The following CTNNA3 variants were observed in gnomAD, a reference collection of about 807,000 sequenced individuals.
CTNNA3 encodes the protein catenin alpha 3.
Under a neutral mutation model 95.7 loss-of-function variants are expected in CTNNA3, and 76 were observed. That is an observed-to-expected ratio of 0.79 (90% CI 0.66 to 0.96). The LOEUF (loss-of-function observed/expected upper bound fraction) is 0.96, where lower values mean the gene tolerates loss of function less well. Ranked by LOEUF, CTNNA3 falls within the 40% of genes least tolerant of loss-of-function variation. The pLI, the probability that CTNNA3 is intolerant of heterozygous loss-of-function variation, is 0.00. For synonymous variants in CTNNA3, 431 were observed against 374.4 expected (o/e 1.15, Z -1.74); for missense variants, 1,191 against 1,089.8 (o/e 1.09, Z -1.31).
intron 7 of CTNNA3, among the ~76,000 whole-genome samples, chr10:66,793,815 T>C (rs138241189): frequency 9.4e-4 from 143 of 152,296 alleles, no homozygotes; most frequent in Admixed American, 3.3e-3. Context: ...GTTGTGTCAG[T>C]ACAGTCATAA....
chr10:66,424,575 G>C (rs1213571731), intron 11 of CTNNA3, among the ~76,000 whole-genome samples: 1 of 151,606 alleles, frequency 6.6e-6, no homozygotes, highest in Non-Finnish European at 1.5e-5. Context: ...AAATAAATTT[G>C]TTTTCACACA....
At chr10:66,059,218 G>A (rs1306638728) in intron 15 of CTNNA3, among the ~76,000 whole-genome samples, 1 of 152,076 alleles carries the variant, frequency 6.6e-6, no homozygotes, top group Non-Finnish European at 1.5e-5. Flanking sequence ...TCATTTGGCT[G>A]ACAAATAACC....
In CTNNA3 at chr10:67,409,603, G is replaced by C. The variant is rs144798896; in HGVS notation, c.579+112239C>G. ...GCTGTTAGGGGTGGAGGTGGGGTAG[G>C]GGGAGGGAAAGCATCAGGAAGAATA... is the stretch of plus-strand genomic sequence containing the variant. On this transcript the variant is annotated intron_variant, in intron 5 of 17. Coordinates refer to ENST00000433211, the MANE Select transcript of CTNNA3 (RefSeq NM_013266.4). 5.0e-3 allele frequency among the ~76,000 whole-genome samples: 756 copies of C among 152,182 alleles called. 10 individuals are homozygous for C. The highest frequency in any genetic ancestry group is 0.017 in the African/African-American group (716 of 41,516).
At chr10:66,307,741 A>G (rs1435015794) in intron 12 of CTNNA3, among the ~76,000 whole-genome samples, 1 of 152,214 alleles carries the variant, frequency 6.6e-6, no homozygotes, top group Non-Finnish European at 1.5e-5. Flanking sequence ...CTTAAGTTTC[A>G]TTTTTAGTTT....
At position 66,942,903 on chromosome 10, in the gene CTNNA3, T is replaced by G. The variant is rs150947722; in HGVS notation, c.1048-167379A>C. On this transcript the variant is annotated intron_variant, in intron 7 of 17. Coordinates refer to ENST00000433211, the MANE Select transcript of CTNNA3 (RefSeq NM_013266.4). ...ATGGCTAAATTAAGCAAAAGCAAAT[T>G]AATCAAAGAGTTACAAAGGAAGAAT... Among the ~76,000 whole-genome samples, 843 of 152,282 alleles carry G rather than the reference T, an allele frequency of 5.5e-3. 8 individuals are homozygous for G. The highest frequency in any genetic ancestry group is 0.019 in the African/African-American group (798 of 41,560).
At chr10:66,243,310 T>A (rs2090178923) in intron 13 of CTNNA3, among the ~76,000 whole-genome samples, 1 of 152,214 alleles carries the variant, frequency 6.6e-6, no homozygotes, top group Non-Finnish European at 1.5e-5. Flanking sequence ...AGAATTCTCT[T>A]CCCTTTCCAG....
Position 67,544,649 on chromosome 10 carries a change from G to T in CTNNA3, c.293-4980C>A, listed in dbSNP as rs541346583. On this transcript the variant is annotated intron_variant, in intron 3 of 17. Coordinates refer to ENST00000433211, the MANE Select transcript of CTNNA3 (RefSeq NM_013266.4). Reference sequence around the variant, plus strand: ...AGGAAACCACCCAAGGCTAGGGAAAGAACCACCCAAAAGGATTTGAGGTAA... The same window carrying T: ...AGGAAACCACCCAAGGCTAGGGAAATAACCACCCAAAAGGATTTGAGGTAA... Among the ~76,000 whole-genome samples, 5 of 152,298 alleles carry T rather than the reference G, an allele frequency of 3.3e-5. No individual in the cohort carries two copies. In the South Asian group the frequency reaches 1.0e-3, roughly 32 times the overall value.
At chr10:66,714,535 G>A (rs959829142) in intron 9 of CTNNA3, among the ~76,000 whole-genome samples, 3 of 152,102 alleles carry the variant, frequency 2.0e-5, no homozygotes, top group Non-Finnish European at 4.4e-5. Context: ...CTTTGTTGCA[G>A]TAATCCCCTA....
At chr10:66,699,384 C>G (rs1589141400) in intron 9 of CTNNA3, among the ~76,000 whole-genome samples, 1 of 152,076 alleles carries the variant, frequency 6.6e-6, no homozygotes, top group Non-Finnish European at 1.5e-5. Context: ...CTTGTTATCT[C>G]TTGGTGTTTT....
chr10:65,995,893 T>A (rs1169616865), intron 15 of CTNNA3, among the ~76,000 whole-genome samples: 1 of 152,108 alleles, frequency 6.6e-6, no homozygotes, highest in Non-Finnish European at 1.5e-5. Flanking sequence ...GCATGGGTGA[T>A]GTTGCCAGGC....
chr10:66,860,725 A>G (rs1164296144), intron 7 of CTNNA3, among the ~76,000 whole-genome samples: 1 of 152,214 alleles, frequency 6.6e-6, no homozygotes, highest in Non-Finnish European at 1.5e-5. Context: ...GTGGTTATAT[A>G]AATTATTTGT....
chr10:66,891,331 A>T (rs773741508), intron 7 of CTNNA3, among the ~76,000 whole-genome samples: 5 of 152,210 alleles, frequency 3.3e-5, no homozygotes, highest in Non-Finnish European at 5.9e-5. Context: ...AAATCAGTCT[A>T]AGTCAATTTA....
intron 17 of CTNNA3, among the ~76,000 whole-genome samples, chr10:65,957,126 C>A (rs1333751662): frequency 6.6e-6 from 1 of 152,010 alleles, no homozygotes; most frequent in African/African-American, 2.4e-5. Context: ...TGAATTGATC[C>A]CTTTACCATT....
chr10:66,744,954 C>G (rs1216162981), intron 9 of CTNNA3, among the ~76,000 whole-genome samples: 1 of 152,108 alleles, frequency 6.6e-6, no homozygotes, highest in Non-Finnish European at 1.5e-5. Flanking sequence ...TACTTGATTT[C>G]AAGGTGCTAA....
At chr10:67,286,616 G>C (rs1448887006) in intron 5 of CTNNA3, among the ~76,000 whole-genome samples, 1 of 152,076 alleles carries the variant, frequency 6.6e-6, no homozygotes, top group Admixed American at 6.6e-5. Flanking sequence ...TATTATTTAA[G>C]CATCTTTCCA....
At chr10:67,705,419 A>T (rs1186359411) in intron 1 of CTNNA3, among the ~76,000 whole-genome samples, 5 of 149,714 alleles carry the variant, frequency 3.3e-5, no homozygotes, top group Non-Finnish European at 7.5e-5. Context: ...AAAATGTGGC[A>T]CATATACACC....
chr10:66,709,741 C>A (rs1264125709), intron 9 of CTNNA3, among the ~76,000 whole-genome samples: 1 of 152,014 alleles, frequency 6.6e-6, no homozygotes, highest in Non-Finnish European at 1.5e-5. Context: ...ACGGTCATTT[C>A]AATGCCCACT....
intron 3 of CTNNA3, among the ~76,000 whole-genome samples, chr10:67,564,297 G>A (rs1219997622): frequency 3.3e-5 from 5 of 149,862 alleles, no homozygotes; most frequent in Non-Finnish European, 7.4e-5. Flanking sequence ...TATAATCCAT[G>A]GAATACTATG....
At chr10:66,338,614 A>G (rs115053550) in intron 12 of CTNNA3, among the ~76,000 whole-genome samples, 1 of 152,076 alleles carries the variant, frequency 6.6e-6, no homozygotes, top group African/African-American at 2.4e-5. Flanking sequence ...CAGTGCAAGA[A>G]TAAGATCAAC....
Sources: allele counts gnomAD v4.1 joint callset (sites outside exome capture counted in the v4.1 genomes callset), GRCh38; gene constraint gnomAD v4.1.1; transcripts MANE v1.5; gene names NCBI Gene and HGNC (gene_info 2026-07-23, HGNC 2026-07-21).